Variants in JAK2 observed in about 807,000 individuals in gnomAD.
JAK2 encodes tyrosine-protein kinase JAK2.
A neutral mutation model predicts 139.3 loss-of-function variants in JAK2; 86 were observed. That is an observed-to-expected ratio of 0.62 (90% CI 0.52 to 0.74). JAK2 has a LOEUF of 0.74. JAK2 is among the 30% of genes least tolerant of loss of function. The pLI, the probability that JAK2 is intolerant of heterozygous loss-of-function variation, is 0.00. For synonymous variants in JAK2, 490 were observed against 437.7 expected, an observed-to-expected ratio of 1.12 and a Z score of -1.49; for missense variants, 1,421 against 1,360.3, an observed-to-expected ratio of 1.04 and a Z score of -0.70.
At chr9:5,072,295 C>T (rs1018747844) in intron 12 of JAK2, among the ~76,000 whole-genome samples, 197 bp from the exon 13 acceptor site, 1 of 152,110 alleles carries the variant, frequency 6.6e-6, no homozygotes. Flanking sequence ...TTCATTAATC[C>T]TTGTTTTCTG....
chr9:5,090,426 T>C lies in JAK2; in HGVS notation c.2762-20T>C. ...ATAATATGGCAGAGTAAAACATTAT[T>C]TCCACCTTTATGTTAAAAGGTCGGC... On this transcript the variant is annotated intron_variant, in intron 20 of 24. Coordinates refer to ENST00000381652, the MANE Select transcript of JAK2 (RefSeq NM_004972.4). The C allele has an allele frequency of 6.7e-7, 1 of 1,502,674 alleles. No individual in the cohort carries two copies. Among genetic ancestry groups the C allele is most frequent in the Admixed American group, 2.1e-5 (1 of 47,902 alleles). The allele number at this position is 1,502,674 out of a possible 1,614,324, so 93.1% of individuals were successfully genotyped here.
chr9:5,069,845 C>T (rs1818829060), intron 11 of JAK2, 80 bp from the exon 12 acceptor site: 1 of 852,362 alleles, frequency 1.2e-6, no homozygotes, highest in Non-Finnish European at 1.7e-6. Context: ...ACGTAGAACA[C>T]ATTTCATTTT....
intron 6 of JAK2, among the ~76,000 whole-genome samples, chr9:5,051,810 A>C (rs140725490): frequency 7.5e-4 from 114 of 152,260 alleles, no homozygotes; most frequent in African/African-American, 2.6e-3. Context: ...AAACAGTTAC[A>C]TACCCAATTT....
At chr9:5,033,845 T>G (rs1446288500) in intron 4 of JAK2, among the ~76,000 whole-genome samples, 1 of 152,048 alleles carries the variant, frequency 6.6e-6, no homozygotes, top group Non-Finnish European at 1.5e-5. Context: ...ATGAGCAAAA[T>G]AACCAGGTAA....
chr9:5,022,279 C>A, intron 3 of JAK2, 66 bp downstream of exon 3: 1 of 1,029,376 alleles, frequency 9.7e-7, no homozygotes, highest in Non-Finnish European at 1.5e-6. Flanking sequence ...TATGCTAATA[C>A]TAGGTACATG....
At chr9:5,064,249 G>A (rs1162843248) in intron 8 of JAK2, among the ~76,000 whole-genome samples, 1 of 152,086 alleles carries the variant, frequency 6.6e-6, no homozygotes, top group African/African-American at 2.4e-5. Context: ...TGGTATGTAG[G>A]GCTGATGCCG....
rs560005426 is a variant in JAK2, at chr9:5,129,262, T to C, written c.*2471T>C. On this transcript the variant is annotated 3_prime_UTR_variant, in exon 25 of 25. Coordinates refer to ENST00000381652, the MANE Select transcript of JAK2 (RefSeq NM_004972.4). ...ATTTCTTTAGCATGCTCCCCCTAAA[T>C]TGAAATAGTGATGTAGTAAATATTC... Among the ~76,000 whole-genome samples the C allele has an allele frequency of 2.6e-5, 4 of 152,190 alleles. No individual in the cohort carries two copies. The highest frequency in any genetic ancestry group is 1.3e-4 in the Admixed American group (2 of 15,292).
chr9:5,068,634 G>A (rs144768685), intron 10 of JAK2, among the ~76,000 whole-genome samples: 2 of 152,318 alleles, frequency 1.3e-5, no homozygotes, highest in African/African-American at 2.4e-5. Flanking sequence ...TGGCTGGAAC[G>A]TAGGTTGTAT....
intron 22 of JAK2, chr9:5,099,764 T>G (rs1433489443): frequency 6.6e-6 from 1 of 152,330 alleles, no homozygotes; most frequent in East Asian, 1.9e-4. Context: ...ACCTGATCCC[T>G]TATAATAATA....
At chr9:5,052,587 A>C (rs1006363502) in intron 6 of JAK2, among the ~76,000 whole-genome samples, 6 of 152,100 alleles carry the variant, frequency 3.9e-5, no homozygotes, top group Non-Finnish European at 8.8e-5. Flanking sequence ...CCAGAATCTA[A>C]TTTTAGAACA....
intron 3 of JAK2, among the ~76,000 whole-genome samples, chr9:5,024,786 A>G (rs1822670971): frequency 6.6e-6 from 1 of 152,192 alleles, no homozygotes. Flanking sequence ...TAAGTGGAAC[A>G]TAGGTGTGCT....
chr9:5,008,885 C>T (rs921507960), intron 2 of JAK2, among the ~76,000 whole-genome samples: 1 of 152,102 alleles, frequency 6.6e-6, no homozygotes, highest in Non-Finnish European at 1.5e-5. Flanking sequence ...TTATTTCTTA[C>T]TTTTATGCTC....
chr9:5,035,328 T>G, intron 4 of JAK2, among the ~76,000 whole-genome samples: 1 of 152,200 alleles, frequency 6.6e-6, no homozygotes, highest in East Asian at 1.9e-4. Context: ...GTACCATTCC[T>G]TCTGAAACTA....
Position 5,126,900 on chromosome 9 carries a change from G to T in JAK2, c.*109G>T. The T allele has an allele frequency of 1.8e-6, 1 of 550,590 alleles. No homozygotes were observed. 34.1% of individuals were successfully genotyped at this position (550,590 alleles called of 1,614,324 possible). On this transcript the variant is annotated 3_prime_UTR_variant, in exon 25 of 25. Coordinates refer to ENST00000381652, the MANE Select transcript of JAK2 (RefSeq NM_004972.4). ...ATATCATTATTATATAAATCATGAT[G>T]CTAGCCAGCAAAGATGTGAAAATAT... is the stretch of plus-strand genomic sequence containing the variant.
intron 6 of JAK2, among the ~76,000 whole-genome samples, chr9:5,051,359 T>C (rs559089526): frequency 1.2e-4 from 18 of 152,250 alleles, no homozygotes; most frequent in African/African-American, 4.3e-4. Flanking sequence ...GATCCTCCAG[T>C]TGGCTATATA....
At chr9:5,020,388 T>G (rs1822337817) in intron 2 of JAK2, among the ~76,000 whole-genome samples, 1 of 152,028 alleles carries the variant, frequency 6.6e-6, no homozygotes, top group South Asian at 2.1e-4. Flanking sequence ...CTGGGCAGGG[T>G]GAGAGTATCC....
intron 16 of JAK2, among the ~76,000 whole-genome samples, chr9:5,078,848 ATC>A (rs2130595202): frequency 6.6e-6 from 1 of 152,280 alleles, no homozygotes; most frequent in South Asian, 2.1e-4. Context: ...TAGTTTAATT[ATC>A]CAGCTAATTC....
At chr9:5,070,512 CT>C (rs1479870776) in intron 12 of JAK2, among the ~76,000 whole-genome samples, 1 of 151,984 alleles carries the variant, frequency 6.6e-6, no homozygotes, top group African/African-American at 2.4e-5. Context: ...AAAGTTGGCC[CT>C]CTATATACAT....
Position 5,080,331 on chromosome 9 carries a change from A to C in JAK2, c.2234A>C (p.Glu745Ala). ...DKWSFGTTLWEICSGGDKPLS... is the reference protein window; with the variant it reads ...DKWSFGTTLWAICSGGDKPLS... The stretch of plus-strand genomic sequence containing the variant: ...TGGAGTTTTGGTACCACTTTGTGGG[A>C]AATCTGCAGTGGAGGAGATAAACCT... Residue 745 changes from glutamate (E) to alanine (A), a missense_variant, in exon 17 of 25, where the codon GAA becomes GCA. By Grantham distance (107) the Glu-to-Ala change is moderately radical (BLOSUM62 -1). Coordinates refer to ENST00000381652, the MANE Select transcript of JAK2 (RefSeq NM_004972.4). 6.2e-7 allele frequency: 1 copy of C among 1,613,906 alleles called. No homozygotes were observed.
Sources: allele counts gnomAD v4.1 joint callset (sites outside exome capture counted in the v4.1 genomes callset), GRCh38; gene constraint gnomAD v4.1.1; transcripts MANE v1.5; gene names NCBI Gene and HGNC (gene_info 2026-07-23, HGNC 2026-07-21).